DLGAP2: variants seen among roughly 807,000 people sequenced by gnomAD.
DLGAP2 encodes the protein disks large-associated protein 2.
DLGAP2 carries 26 observed loss-of-function variants against 100.3 expected under a neutral mutation model. That is an observed-to-expected ratio of 0.26 (90% CI 0.19 to 0.36). DLGAP2 has a LOEUF of 0.36. Among genes scored for constraint, DLGAP2 ranks in the 10% least tolerant of loss-of-function variants. The pLI is 1.00. For missense variants in DLGAP2, 1,858 were observed against 1,453.2 expected, an observed-to-expected ratio of 1.28 and a Z score of -4.53; for synonymous variants, 886 against 630.1, an observed-to-expected ratio of 1.41 and a Z score of -6.08.
chr8:1,466,429 G>C (rs113024304), intron 3 of DLGAP2, among the ~76,000 whole-genome samples: 1,664 of 152,168 alleles, frequency 0.011, 11 homozygotes, highest in South Asian at 0.019. Flanking sequence ...CACGCGTGCA[G>C]TGACCCTGTG....
At chr8:1,229,041 CAAAT>C in intron 2 of DLGAP2, among the ~76,000 whole-genome samples, 1 of 152,152 alleles carries the variant, frequency 6.6e-6, no homozygotes, top group African/African-American at 2.4e-5. Context: ...AATTTCCTAA[CAAAT>C]TATTAGAAAT....
chr8:796,536 T>G (rs1286259825), intron 1 of DLGAP2, among the ~76,000 whole-genome samples: 1 of 152,204 alleles, frequency 6.6e-6, no homozygotes, highest in Non-Finnish European at 1.5e-5. Flanking sequence ...CTCCTCCCCA[T>G]GCCACTCCCT....
chr8:1,554,723 G>A (rs867828051), intron 5 of DLGAP2, among the ~76,000 whole-genome samples: 1 of 152,202 alleles, frequency 6.6e-6, no homozygotes, highest in African/African-American at 2.4e-5. Context: ...GCACCTAGGT[G>A]TCCCATGTTC....
chr8:1,316,757 C>T (rs1193559364), intron 3 of DLGAP2, among the ~76,000 whole-genome samples: 3 of 138,824 alleles, frequency 2.2e-5, no homozygotes, highest in East Asian at 3.4e-4. Context: ...AAAAATAGAG[C>T]GTGTGCGAGT....
intron 3 of DLGAP2, among the ~76,000 whole-genome samples, chr8:1,466,162 C>T (rs1798620312): frequency 6.6e-6 from 1 of 152,090 alleles, no homozygotes; most frequent in African/African-American, 2.4e-5. Flanking sequence ...GTGCTCTTGA[C>T]CCACATGGAG....
At chr8:1,058,593 A>G (rs1181939337) in intron 2 of DLGAP2, among the ~76,000 whole-genome samples, 1 of 152,190 alleles carries the variant, frequency 6.6e-6, no homozygotes, top group Non-Finnish European at 1.5e-5. Flanking sequence ...TGGAGGGAGC[A>G]GGGGGAAGCC....
At position 1,564,318 on chromosome 8, in the gene DLGAP2, G is replaced by C. The variant is rs1345611138; in HGVS notation, c.1231-1365G>C. On this transcript the variant is annotated intron_variant, in intron 5 of 14. Coordinates refer to ENST00000637795, the MANE Select transcript of DLGAP2 (RefSeq NM_001346810.2). Reference sequence around the variant, plus strand: ...TGACTTTTTGCTCATGGCTATGTTGGGTTTCCAGTTTCACAGATGGTGGAT... The same window carrying C: ...TGACTTTTTGCTCATGGCTATGTTGCGTTTCCAGTTTCACAGATGGTGGAT... 2.0e-5 allele frequency among the ~76,000 whole-genome samples: 3 copies of C among 152,112 alleles called. 1 individual carries two copies. Among genetic ancestry groups the C allele is most frequent in the Non-Finnish European group, 4.4e-5 (3 of 68,028 alleles).
At chr8:1,465,238 T>G (rs1449865200) in intron 3 of DLGAP2, among the ~76,000 whole-genome samples, 1 of 152,260 alleles carries the variant, frequency 6.6e-6, no homozygotes, top group African/African-American at 2.4e-5. Flanking sequence ...ACACGTGGGT[T>G]CCATTCATTT....
chr8:945,502 G>A (rs1340864687), intron 2 of DLGAP2, among the ~76,000 whole-genome samples: 2 of 152,100 alleles, frequency 1.3e-5, no homozygotes, highest in African/African-American at 4.8e-5. Context: ...GAAGAATGAG[G>A]CTGAGCCCCG....
At position 1,521,292 on chromosome 8, in the gene DLGAP2, G is replaced by T. The variant is rs1325863680; in HGVS notation, c.172+19861G>T. On this transcript the variant is annotated intron_variant, in intron 4 of 14. Transcript: ENST00000637795. ...GGGGCAGGTGATATGGGGCATCTCT[G>T]GTTTGCACACTTGTTTTAATTTGGA... is the stretch of plus-strand genomic sequence containing the variant. Among the ~76,000 whole-genome samples, 2 of 70,560 alleles carry T rather than the reference G, an allele frequency of 2.8e-5. 1 individual carries two copies. Among genetic ancestry groups the T allele is most frequent in the Non-Finnish European group, 6.4e-5 (2 of 31,382 alleles). The allele number at this position is 70,560 out of a possible 152,430, so 46.3% of individuals were successfully genotyped here. A position where few individuals can be genotyped will look rare whatever the true frequency, so the allele number is the denominator to read the frequency against.
At chr8:906,533 G>A (rs1379753131) in intron 1 of DLGAP2, among the ~76,000 whole-genome samples, 1 of 152,194 alleles carries the variant, frequency 6.6e-6, no homozygotes. Flanking sequence ...CCCGGGAGTT[G>A]AGTGTGTGTG....
chr8:1,672,895 G>A (rs142022491), intron 10 of DLGAP2, among the ~76,000 whole-genome samples: 4 of 152,298 alleles, frequency 2.6e-5, no homozygotes, highest in Admixed American at 1.3e-4. Context: ...AGCTTGTTGG[G>A]AGAGCAAAGA....
intron 6 of DLGAP2, among the ~76,000 whole-genome samples, chr8:1,588,378 G>C (rs745617606): frequency 6.6e-5 from 10 of 152,062 alleles, no homozygotes; most frequent in African/African-American, 1.2e-4. Context: ...AGTAGAACCC[G>C]GTGCTAACCT....
chr8:1,259,198 G>C (rs1395910029), intron 3 of DLGAP2, among the ~76,000 whole-genome samples: 6 of 152,164 alleles, frequency 3.9e-5, no homozygotes, highest in African/African-American at 1.4e-4. Context: ...AGGCTTGTTG[G>C]CTTTAAGTGC....
chr8:1,601,150 G>A (rs1167311244), intron 6 of DLGAP2, among the ~76,000 whole-genome samples: 2 of 152,202 alleles, frequency 1.3e-5, no homozygotes, highest in African/African-American at 2.4e-5. Flanking sequence ...GTCTGCTGGA[G>A]TTTGCTAGAG....
At chr8:1,603,302 A>T (rs4876109) in intron 6 of DLGAP2, among the ~76,000 whole-genome samples, 51,539 of 101,948 alleles carry the variant, frequency 0.51, 10,291 homozygotes, top group East Asian at 0.51. Context: ...AGAGTGGAGG[A>T]TGGGTCTCAG....
intron 2 of DLGAP2, among the ~76,000 whole-genome samples, chr8:1,023,277 G>A (rs143531974): frequency 1.2e-4 from 19 of 152,314 alleles, no homozygotes; most frequent in African/African-American, 4.1e-4. Context: ...TATCACGTAG[G>A]TCTGTTCGCT....
chr8:1,041,444 G>C (rs772875610), intron 2 of DLGAP2, among the ~76,000 whole-genome samples: 2 of 152,204 alleles, frequency 1.3e-5, no homozygotes, highest in African/African-American at 2.4e-5. Context: ...CAGGTTTTGG[G>C]GTGAGGGAGG....
chr8:1,506,343 C>T (rs1799912944), intron 4 of DLGAP2, among the ~76,000 whole-genome samples: 1 of 152,198 alleles, frequency 6.6e-6, no homozygotes, highest in South Asian at 2.1e-4. Flanking sequence ...ATTGTAGGTT[C>T]TTGGTCTCAC....
Sources: allele counts gnomAD v4.1 joint callset (sites outside exome capture counted in the v4.1 genomes callset), GRCh38; gene constraint gnomAD v4.1.1; transcripts MANE v1.5; gene names NCBI Gene and HGNC (gene_info 2026-07-23, HGNC 2026-07-21).